Variants in PPARGC1A observed in about 807,000 individuals in gnomAD.
PPARGC1A encodes peroxisome proliferator-activated receptor gamma coactivator 1-alpha.
Under a neutral mutation model 88.7 loss-of-function variants are expected in PPARGC1A, and 25 were observed. That is an observed-to-expected ratio of 0.28 (90% CI 0.21 to 0.39). The LOEUF (loss-of-function observed/expected upper bound fraction) is 0.39. PPARGC1A is among the 10% of genes least tolerant of loss of function. The probability of loss-of-function intolerance (pLI) is 1.00; values close to 1 mark genes in which losing one functional copy is unlikely to be tolerated. For missense variants in PPARGC1A, 880 were observed against 968.7 expected (o/e 0.91, Z 1.22); for synonymous variants, 363 against 355.6 (o/e 1.02, Z -0.24).
the PPARGC1A span, among the ~76,000 whole-genome samples, chr4:24,387,818 A>AAAGAGAAAGAGAGAAAGAG: frequency 1.2e-5 from 1 of 81,076 alleles, no homozygotes; most frequent in African/African-American, 4.8e-5. Flanking sequence ...GAAAGAAAGA[A>AAAGAGAAAGAGAGAAAGAG]AGAAAGAGAG....
chr4:24,192,779 C>T, the PPARGC1A span, among the ~76,000 whole-genome samples: 1 of 152,106 alleles, frequency 6.6e-6, no homozygotes, highest in Non-Finnish European at 1.5e-5. Context: ...TTGCTGTATC[C>T]TATTTTTATA....
the PPARGC1A span, among the ~76,000 whole-genome samples, chr4:24,070,932 A>G: frequency 3.9e-5 from 6 of 152,216 alleles, no homozygotes; most frequent in African/African-American, 1.4e-4. Context: ...GTTGCAACAG[A>G]GGCCTTATGG....
the PPARGC1A span, among the ~76,000 whole-genome samples, chr4:24,179,293 C>T: frequency 6.6e-6 from 1 of 152,208 alleles, no homozygotes; most frequent in African/African-American, 2.4e-5. Context: ...ATAAAAAAGG[C>T]CATAATGCTT....
At chr4:24,035,765 G>C in the PPARGC1A span, among the ~76,000 whole-genome samples, 3 of 152,038 alleles carry the variant, frequency 2.0e-5, no homozygotes, top group Non-Finnish European at 4.4e-5. Flanking sequence ...AAGGTAACTG[G>C]CGTTTATATA....
chr4:24,466,527 CA>C, the PPARGC1A span, among the ~76,000 whole-genome samples: 1 of 152,112 alleles, frequency 6.6e-6, no homozygotes, highest in Non-Finnish European at 1.5e-5. Flanking sequence ...ATGGGAATAA[CA>C]GTAAAAGTAC....
At chr4:24,089,263 C>T in the PPARGC1A span, among the ~76,000 whole-genome samples, 3 of 152,166 alleles carry the variant, frequency 2.0e-5, no homozygotes, top group Non-Finnish European at 4.4e-5. Flanking sequence ...ATTTAGTTTC[C>T]TCCCTTAGGG....
chr4:23,834,027 C>T (rs1043658787), intron 2 of PPARGC1A, among the ~76,000 whole-genome samples: 8 of 152,180 alleles, frequency 5.3e-5, no homozygotes, highest in South Asian at 2.1e-4. Context: ...TGGCTGGGCA[C>T]GGTGGTTCAC....
At chr4:24,007,990 A>C in the PPARGC1A span, among the ~76,000 whole-genome samples, 1 of 152,200 alleles carries the variant, frequency 6.6e-6, no homozygotes, top group Non-Finnish European at 1.5e-5. Flanking sequence ...TTGCAGTGAC[A>C]TCTTGGGAGC....
chr4:24,100,770 C>T, the PPARGC1A span, among the ~76,000 whole-genome samples: 16 of 152,122 alleles, frequency 1.1e-4, no homozygotes, highest in Non-Finnish European at 5.9e-5. Flanking sequence ...ATATAATTTA[C>T]AGGTAAGGCC....
chr4:24,067,902 A>G, the PPARGC1A span, among the ~76,000 whole-genome samples: 256 of 152,334 alleles, frequency 1.7e-3, 1 homozygote, highest in African/African-American at 5.8e-3. Context: ...GACATCTGCC[A>G]GTGTCCTGAA....
the PPARGC1A span, among the ~76,000 whole-genome samples, chr4:24,182,239 A>T: frequency 6.6e-6 from 1 of 152,176 alleles, no homozygotes; most frequent in Non-Finnish European, 1.5e-5. Flanking sequence ...GAGTGAGAAC[A>T]TGCAGTGTTT....
At chr4:24,349,859 A>C in the PPARGC1A span, among the ~76,000 whole-genome samples, 1 of 152,204 alleles carries the variant, frequency 6.6e-6, no homozygotes, top group African/African-American at 2.4e-5. Context: ...GTTCAGCTAG[A>C]GAATTCCTTC....
At chr4:24,103,587 C>T in the PPARGC1A span, among the ~76,000 whole-genome samples, 1 of 118,724 alleles carries the variant, frequency 8.4e-6, no homozygotes, top group Middle Eastern at 4.3e-3. Context: ...GCGCTTAATG[C>T]CTTCTTCCAA....
At chr4:24,296,183 ATGTGTGTATG>A in the PPARGC1A span, among the ~76,000 whole-genome samples, 17 of 147,470 alleles carry the variant, frequency 1.2e-4, no homozygotes, top group Non-Finnish European at 2.1e-4. Flanking sequence ...ATGTGTGTGT[ATGTGTGTATG>A]TGTGTGTGTG....
chr4:24,030,471 A>T, the PPARGC1A span, among the ~76,000 whole-genome samples: 1 of 152,248 alleles, frequency 6.6e-6, no homozygotes, highest in Non-Finnish European at 1.5e-5. Flanking sequence ...CTCCTTATTA[A>T]TTCATACAAC....
chr4:24,375,833 T>A, the PPARGC1A span, among the ~76,000 whole-genome samples: 5 of 152,042 alleles, frequency 3.3e-5, no homozygotes, highest in Non-Finnish European at 7.4e-5. Flanking sequence ...AGCAGCCCTA[T>A]AAAGAGAGCA....
chr4:24,269,391 T>A, the PPARGC1A span, among the ~76,000 whole-genome samples: 1 of 152,236 alleles, frequency 6.6e-6, no homozygotes, highest in East Asian at 1.9e-4. Context: ...CTCTATAGAA[T>A]GAACACATAA....
At chr4:24,018,360 T>C in the PPARGC1A span, among the ~76,000 whole-genome samples, 1,102 of 152,308 alleles carry the variant, frequency 7.2e-3, 20 homozygotes, top group South Asian at 0.089. Flanking sequence ...CTTTTTCAAA[T>C]TTCTATCCAG....
chr4:24,315,513 G>C, the PPARGC1A span, among the ~76,000 whole-genome samples: 1 of 152,198 alleles, frequency 6.6e-6, no homozygotes, highest in South Asian at 2.1e-4. Flanking sequence ...GTGCACCTGA[G>C]AGGTGAGATG....
Sources: gnomAD v4.1 joint callset for allele counts (sites outside exome capture counted in the v4.1 genomes callset) on GRCh38, gnomAD v4.1.1 for gene constraint, MANE v1.5 for transcripts, NCBI Gene and HGNC (gene_info 2026-07-23, HGNC 2026-07-21) for gene names.